The following EPS8 variants were observed in gnomAD, a reference collection of about 807,000 sequenced individuals.
The protein encoded by EPS8 is EGFR pathway substrate 8, signaling adaptor.
In EPS8, 42 loss-of-function variants were observed where a neutral mutation model predicts 103.8. The ratio of observed to expected loss-of-function variants is 0.40; its 90% CI spans 0.32 to 0.52. The LOEUF (loss-of-function observed/expected upper bound fraction) is 0.52. Ranked by LOEUF, EPS8 falls within the 20% of genes least tolerant of loss-of-function variation. The pLI is 0.40. For missense variants in EPS8, 969 were observed against 1,005.1 expected, an observed-to-expected ratio of 0.96 and a Z score of 0.49; for synonymous variants, 344 against 344.6, an observed-to-expected ratio of 1.00 and a Z score of 0.02.
intron 1 of EPS8, among the ~76,000 whole-genome samples, chr12:15,685,086 T>C (rs1946072701): frequency 6.6e-6 from 1 of 152,212 alleles, no homozygotes; most frequent in East Asian, 1.9e-4. Flanking sequence ...AATTCCTAAA[T>C]TCTTCACGAT....
intron 1 of EPS8, among the ~76,000 whole-genome samples, chr12:15,774,270 T>G (rs1947184564): frequency 6.6e-6 from 1 of 152,016 alleles, no homozygotes; most frequent in South Asian, 2.1e-4. Context: ...TACACCTCTT[T>G]TACAGATTTG....
chr12:15,723,146 CA>C (rs1946616489), intron 1 of EPS8, among the ~76,000 whole-genome samples: 5 of 151,922 alleles, frequency 3.3e-5, no homozygotes, highest in Admixed American at 2.6e-4. Flanking sequence ...CTCCTCTCTA[CA>C]AAAAATACAA....
At position 15,748,410 on chromosome 12, in the gene EPS8, TC is replaced by T. The variant is rs1284829207; in HGVS notation, c.-22+40750del. Among the ~76,000 whole-genome samples the T allele has an allele frequency of 6.6e-6, 1 of 152,204 alleles. No individual in the cohort carries two copies. Among genetic ancestry groups the T allele is most frequent in the Non-Finnish European group, 1.5e-5 (1 of 68,044 alleles). ...ATGAGGATTAGAAAGGAAAGAATTA[TC>T]CTCAATAATATCAATTTTCTAAGTC... On this transcript the variant is annotated intron_variant, in intron 1 of 20. Coordinates refer to ENST00000281172, the MANE Select transcript of EPS8 (RefSeq NM_004447.6). The surrounding 1 kb of genome is among the most constrained non-coding windows in gnomAD (Gnocchi z 4.8).
Position 15,640,687 on chromosome 12 carries a change from A to G in EPS8, c.1821+16T>C. 6.2e-7 allele frequency: 1 copy of G among 1,610,842 alleles called. No individual in the cohort carries two copies. Among genetic ancestry groups the G allele is most frequent in the Non-Finnish European group, 8.5e-7 (1 of 1,178,194 alleles). On this transcript the variant is annotated intron_variant, in intron 17 of 20. Coordinates refer to ENST00000281172, the MANE Select transcript of EPS8 (RefSeq NM_004447.6). ...AAATGTGTACATACTACATTTTACT[A>G]AGAAATCATGCTCACCTGTATAGTA...
At chr12:15,652,213 C>G (rs956388754) in intron 13 of EPS8, among the ~76,000 whole-genome samples, 1 of 152,124 alleles carries the variant, frequency 6.6e-6, no homozygotes, top group Non-Finnish European at 1.5e-5. Context: ...AATAAGCTCA[C>G]TCATATGTGG....
At chr12:15,686,624 T>C (rs1213906020) in intron 1 of EPS8, among the ~76,000 whole-genome samples, 1 of 152,126 alleles carries the variant, frequency 6.6e-6, no homozygotes, top group East Asian at 1.9e-4. Flanking sequence ...AAATGGAATA[T>C]ATAAAAAATG....
In EPS8 at chr12:15,700,385, G is replaced by A. The variant is rs1160842464; in HGVS notation, c.-21-17413C>T. ...TTGTGCTATAAAGAGTTATATGTGTGGGCTAAAAGAGAAGTCATAGAATTC... is the reference window on the plus strand; with the variant it reads ...TTGTGCTATAAAGAGTTATATGTGTAGGCTAAAAGAGAAGTCATAGAATTC... On this transcript the variant is annotated intron_variant, in intron 1 of 20. Coordinates refer to ENST00000281172, the MANE Select transcript of EPS8 (RefSeq NM_004447.6). The surrounding 1 kb of genome is among the most constrained non-coding windows in gnomAD (Gnocchi z 5.1). Among the ~76,000 whole-genome samples the A allele has an allele frequency of 6.6e-6, 1 of 152,046 alleles. No individual in the cohort carries two copies. Among genetic ancestry groups the A allele is most frequent in the African/African-American group, 2.4e-5 (1 of 41,402 alleles).
chr12:15,653,394 C>G (rs1177794142), intron 13 of EPS8, among the ~76,000 whole-genome samples: 1 of 151,426 alleles, frequency 6.6e-6, no homozygotes, highest in African/African-American at 2.4e-5. Flanking sequence ...CAGCCCTCAT[C>G]TCTATATGCT....
chr12:15,742,497 A>G (rs1195160227), intron 1 of EPS8, among the ~76,000 whole-genome samples: 2 of 152,240 alleles, frequency 1.3e-5, no homozygotes, highest in Non-Finnish European at 2.9e-5. Context: ...ATGAACATCA[A>G]TGCAAAAATC....
intron 1 of EPS8, among the ~76,000 whole-genome samples, chr12:15,753,726 G>C (rs1195776974): frequency 6.6e-6 from 1 of 152,116 alleles, no homozygotes; most frequent in African/African-American, 2.4e-5. Flanking sequence ...ATTCAAATCT[G>C]CCCACTTCCT....
rs922458357 is a variant in EPS8 at position 15,717,121 on chromosome 12, G to A, written c.-21-34149C>T. ...TAACAATTTACCTGGAGAGGGACAGGAGATGCAATATGACTTATCTTTGGG... is the reference window on the plus strand; with the variant it reads ...TAACAATTTACCTGGAGAGGGACAGAAGATGCAATATGACTTATCTTTGGG... On this transcript the variant is annotated intron_variant, in intron 1 of 20. Transcript: ENST00000281172. This position sits in a 1 kb window ranked among gnomAD's most constrained non-coding sequence, Gnocchi z 4.3. Among the ~76,000 whole-genome samples, 4 of 152,210 alleles carry A rather than the reference G, an allele frequency of 2.6e-5. No individual in the cohort carries two copies. In the East Asian group the frequency reaches 7.7e-4, roughly 29 times the overall value.
chr12:15,711,534 GA>G (rs1032232032), intron 1 of EPS8, among the ~76,000 whole-genome samples: 1 of 152,098 alleles, frequency 6.6e-6, no homozygotes, highest in African/African-American at 2.4e-5. Flanking sequence ...GTGGATCAGG[GA>G]ACAAAATATT....
At position 15,658,126 on chromosome 12, in the gene EPS8, G is replaced by A. The variant is rs935269088; in HGVS notation, c.1054C>T (p.Pro352Ser). 1 of 1,610,998 alleles carries A rather than the reference G, an allele frequency of 6.2e-7. No homozygotes were observed. Among genetic ancestry groups the A allele is most frequent in the Admixed American group, 1.7e-5 (1 of 59,950 alleles). Residue 352 changes from proline to serine, a missense_variant, in exon 12 of 21, where the codon CCT becomes TCT. Transcript: ENST00000281172. ...AAGTGAACCAAATCTGCAGCACTAGGATTCTGAATATGAGACTTCAGTTTG... is the reference window on the plus strand; with the variant it reads ...AAGTGAACCAAATCTGCAGCACTAGAATTCTGAATATGAGACTTCAGTTTG... ...LAKLKSHIQN[P>S]SAADLVHFLF...
rs1394340594 is a variant in EPS8 at position 15,750,447 on chromosome 12, G to T, written c.-22+38714C>A. ...CCCCCCACTCAATTTGAGCATTTGG[G>T]TTGTACTCTAGATAGGTTTCATTTT... is the stretch of plus-strand genomic sequence containing the variant. On this transcript the variant is annotated intron_variant, in intron 1 of 20. Coordinates refer to ENST00000281172, the MANE Select transcript of EPS8 (RefSeq NM_004447.6). 1.3e-5 allele frequency among the ~76,000 whole-genome samples: 2 copies of T among 152,154 alleles called. 1 individual carries two copies. Among genetic ancestry groups the T allele is most frequent in the African/African-American group, 4.8e-5 (2 of 41,426 alleles).
chr12:15,664,862 C>T (rs898129060), intron 8 of EPS8, among the ~76,000 whole-genome samples: 2 of 152,140 alleles, frequency 1.3e-5, no homozygotes, highest in African/African-American at 2.4e-5. Context: ...TATTTTAAGG[C>T]ATTTTTTTAG....
chr12:15,667,994 CACAGAT>C (rs1159400883), intron 6 of EPS8, among the ~76,000 whole-genome samples: 1 of 152,046 alleles, frequency 6.6e-6, no homozygotes, highest in African/African-American at 2.4e-5. Context: ...CTTTTTAGAA[CACAGAT>C]ACAAACATCA....
chr12:15,750,528 T>TA (rs1328320987), intron 1 of EPS8, among the ~76,000 whole-genome samples: 1 of 152,180 alleles, frequency 6.6e-6, no homozygotes, highest in Admixed American at 6.5e-5. Context: ...TGGACAATGT[T>TA]AGAGTCCAGA....
intron 8 of EPS8, among the ~76,000 whole-genome samples, chr12:15,662,924 C>T (rs1427292772): frequency 7.2e-6 from 1 of 139,018 alleles, no homozygotes; most frequent in African/African-American, 2.7e-5. Context: ...GAGAGAACTG[C>T]AAAAAAAAAT....
rs374483007 is a variant in EPS8, at chr12:15,667,707, A to G, written c.517-1185T>C. ...TAAAAATCAAAAGCAATATTGCACA[A>G]TGAGCCATATAAAAGAAACTGCGTT... On this transcript the variant is annotated intron_variant, in intron 6 of 20. Coordinates refer to ENST00000281172, the MANE Select transcript of EPS8 (RefSeq NM_004447.6). Among the ~76,000 whole-genome samples, 4 of 152,306 alleles carry G rather than the reference A, an allele frequency of 2.6e-5. No homozygotes were observed. In the East Asian group the frequency reaches 5.8e-4, roughly 22 times the overall value.
Sources: gnomAD v4.1 joint callset for allele counts (sites outside exome capture counted in the v4.1 genomes callset) on GRCh38, gnomAD v4.1.1 for gene constraint, Gnocchi (gnomAD v3.1) non-coding constraint, MANE v1.5 for transcripts, NCBI Gene and HGNC (gene_info 2026-07-23, HGNC 2026-07-21) for gene names.